TRAF2: variants seen among roughly 807,000 people sequenced by gnomAD.
The protein encoded by TRAF2 is TNF receptor-associated factor 2.
In TRAF2, 6 loss-of-function variants were observed where a neutral mutation model predicts 55.6. The ratio of observed to expected loss-of-function variants is 0.11; its 90% CI spans 0.06 to 0.21. The LOEUF is 0.21. TRAF2 is among the 10% of genes least tolerant of loss of function. The pLI is 1.00. For missense variants in TRAF2, 561 were observed against 684.5 expected (o/e 0.82, Z 2.01); for synonymous variants, 329 against 276.3 (o/e 1.19, Z -1.89).
chr9:136,902,103 A>G (rs1849834229), intron 4 of TRAF2: 1 of 152,248 alleles, frequency 6.6e-6, no homozygotes, highest in Non-Finnish European at 1.5e-5. Flanking sequence ...CTGTGGGCAG[A>G]GATGCCAGAC....
chr9:136,904,704 G>A (rs1324961983), intron 4 of TRAF2, among the ~76,000 whole-genome samples: 3 of 152,000 alleles, frequency 2.0e-5, no homozygotes, highest in Non-Finnish European at 4.4e-5. Flanking sequence ...CACCGCGCCT[G>A]GCCTAAAGAA....
intron 1 of TRAF2, among the ~76,000 whole-genome samples, chr9:136,887,535 G>A (rs1849481637): frequency 6.6e-6 from 1 of 152,186 alleles, no homozygotes; most frequent in Non-Finnish European, 1.5e-5. Flanking sequence ...GGCAGCCGGT[G>A]AAGACGGGGC....
At chr9:136,889,289 T>C (rs17250036) in intron 1 of TRAF2, among the ~76,000 whole-genome samples, 387 of 151,744 alleles carry the variant, frequency 2.6e-3, no homozygotes, top group African/African-American at 9.1e-3. Context: ...TGGCCTTTTT[T>C]TTTCTTTTTT....
chr9:136,898,976 G>A (rs535049141), intron 2 of TRAF2, 48 bp downstream of exon 2: 4 of 1,540,050 alleles, frequency 2.6e-6, no homozygotes, highest in Non-Finnish European at 3.5e-6. Flanking sequence ...GGCTAGGCTG[G>A]TTTTAGAGCC....
rs530027178 is a variant in TRAF2, at chr9:136,890,797, T to G, written c.-29+4256T>G. 1.1e-4 allele frequency among the ~76,000 whole-genome samples: 16 copies of G among 152,332 alleles called. No homozygotes were observed. In the South Asian group the frequency reaches 1.7e-3, roughly 16 times the overall value. ...CGGGCTGCCTGCCGTGTCCTGGCTG[T>G]CTGGGGTTGTGTTTTCATTTGGAAA... On this transcript the variant is annotated intron_variant, in intron 1 of 10. Coordinates refer to ENST00000247668, the MANE Select transcript of TRAF2 (RefSeq NM_021138.4).
At chr9:136,915,071 C>T (rs775709187) in intron 6 of TRAF2, among the ~76,000 whole-genome samples, 1 of 151,992 alleles carries the variant, frequency 6.6e-6, no homozygotes, top group African/African-American at 2.4e-5. Context: ...CCCAGCTACT[C>T]GGGAGGCTGA....
chr9:136,888,644 T>C (rs1849507770), intron 1 of TRAF2, among the ~76,000 whole-genome samples: 1 of 152,208 alleles, frequency 6.6e-6, no homozygotes, highest in Non-Finnish European at 1.5e-5. Context: ...CACCCATATC[T>C]GATTTGATGT....
chr9:136,886,507 C>T (rs898073256), upstream of TRAF2: 7 of 998,362 alleles, frequency 7.0e-6, no homozygotes, highest in African/African-American at 1.0e-4. Flanking sequence ...GGTAGCTGGG[C>T]GGGCCCTTAG....
At chr9:136,919,522 C>T (rs1358325292) in intron 7 of TRAF2, among the ~76,000 whole-genome samples, 47 of 151,058 alleles carry the variant, frequency 3.1e-4, no homozygotes, top group African/African-American at 7.3e-5. Flanking sequence ...CTCGAACTCC[C>T]GACCTCAGGT....
At chr9:136,907,579 G>A (rs1367183660) in intron 4 of TRAF2, among the ~76,000 whole-genome samples, 2 of 152,204 alleles carry the variant, frequency 1.3e-5, no homozygotes, top group Non-Finnish European at 1.5e-5. Context: ...CTGCCCGCAT[G>A]CTATCTCCCG....
chr9:136,907,435 C>T (rs1564412811), intron 4 of TRAF2, among the ~76,000 whole-genome samples: 4 of 152,352 alleles, frequency 2.6e-5, no homozygotes, highest in South Asian at 4.1e-4. Flanking sequence ...CACTGGCCCT[C>T]GCCTGTCTTC....
intron 1 of TRAF2, among the ~76,000 whole-genome samples, chr9:136,888,418 G>A (rs552457567): frequency 5.3e-5 from 8 of 152,240 alleles, no homozygotes; most frequent in African/African-American, 1.9e-4. Context: ...GTGACAGAGC[G>A]AGACTCCATC....
At chr9:136,921,281 C>T in intron 9 of TRAF2, 66 bp downstream of exon 9, 2 of 1,592,180 alleles carry the variant, frequency 1.3e-6, no homozygotes, top group Non-Finnish European at 1.7e-6. Flanking sequence ...CCCCTCACCC[C>T]TGTGACCACA....
intron 1 of TRAF2, chr9:136,898,482 G>A (rs771289446): frequency 2.4e-5 from 17 of 694,966 alleles, no homozygotes; most frequent in Non-Finnish European, 3.0e-5. Context: ...GATGCCAGCT[G>A]TGTGGTCCCC....
Position 136,925,947 on chromosome 9 carries a change from C to G in TRAF2, c.*46C>G. On this transcript the variant is annotated 3_prime_UTR_variant, in exon 11 of 11. Transcript: ENST00000247668. ...GGGGTTGGGGGCAGCCAGGCACAGC[C>G]GGCTCACGGAGGGGCCACCACGCTG... The G allele has an allele frequency of 1.9e-6, 3 of 1,606,232 alleles. No homozygotes were observed. Among genetic ancestry groups the G allele is most frequent in the Non-Finnish European group, 1.7e-6 (2 of 1,174,742 alleles).
Position 136,888,436 on chromosome 9 carries a change from G to GA in TRAF2, c.-29+1897dup, listed in dbSNP as rs564641421. On this transcript the variant is annotated intron_variant, in intron 1 of 10. Coordinates refer to ENST00000247668, the MANE Select transcript of TRAF2 (RefSeq NM_021138.4). ...ACAGAGCGAGACTCCATCTCAAAAA[G>GA]AATCGGGTGCCACCCAGTGAACTCT... Among the ~76,000 whole-genome samples the GA allele has an allele frequency of 4.1e-4, 62 of 152,182 alleles. 1 individual carries two copies. The East Asian group carries it at 8.2e-3, about 20-fold the overall frequency.
intron 6 of TRAF2, among the ~76,000 whole-genome samples, chr9:136,915,000 A>G (rs1398302564): frequency 1.3e-5 from 2 of 152,108 alleles, no homozygotes; most frequent in African/African-American, 4.8e-5. Flanking sequence ...ACCAAAATGC[A>G]GAAACCCCGT....
rs143626545 is a variant in TRAF2, at chr9:136,919,529, A to G, written c.679-705A>G. On this transcript the variant is annotated intron_variant, in intron 7 of 10. Coordinates refer to ENST00000247668, the MANE Select transcript of TRAF2 (RefSeq NM_021138.4). Reference sequence around the variant, plus strand: ...AGGCTAGTCTCGAACTCCCGACCTCAGGTGATCCTCCCACCTTGGCCTCCC... The same window carrying G: ...AGGCTAGTCTCGAACTCCCGACCTCGGGTGATCCTCCCACCTTGGCCTCCC... Among the ~76,000 whole-genome samples the G allele has an allele frequency of 5.9e-3, 894 of 152,012 alleles. 5 individuals are homozygous for G. The highest frequency in any genetic ancestry group is 0.017 in the Middle Eastern group (5 of 294).
Position 136,899,444 on chromosome 9 carries a change from T to C in TRAF2, c.189-150T>C, listed in dbSNP as rs1849764570. ...TGTGAATACTGGGGTTTAAAACATGTCCTGTTAACATTTGCCTGCTGTTGG... is the reference window on the plus strand; with the variant it reads ...TGTGAATACTGGGGTTTAAAACATGCCCTGTTAACATTTGCCTGCTGTTGG... On this transcript the variant is annotated intron_variant, in intron 2 of 10. Coordinates refer to ENST00000247668, the MANE Select transcript of TRAF2 (RefSeq NM_021138.4). 4 of 618,294 alleles carry C rather than the reference T, an allele frequency of 6.5e-6. No homozygotes were observed. In the East Asian group the frequency reaches 1.2e-4, roughly 19 times the overall value. The allele number at this position is 618,294 out of a possible 1,614,324, so 38.3% of individuals were successfully genotyped here.
Sources: allele counts gnomAD v4.1 joint callset (sites outside exome capture counted in the v4.1 genomes callset), GRCh38; gene constraint gnomAD v4.1.1; transcripts MANE v1.5; gene names NCBI Gene and HGNC (gene_info 2026-07-23, HGNC 2026-07-21).